ASIC2: variants seen among roughly 807,000 people sequenced by gnomAD.
ASIC2 encodes the protein acid-sensing ion channel 2.
In ASIC2, 25 loss-of-function variants were observed where a neutral mutation model predicts 57.3. The ratio of observed to expected loss-of-function variants is 0.44; its 90% confidence interval spans 0.32 to 0.61. The LOEUF is 0.61. ASIC2 is among the 20% of genes least tolerant of loss of function. The pLI is 0.06. For missense variants in ASIC2, 641 were observed against 738.1 expected (o/e 0.87, Z 1.52); for synonymous variants, 319 against 307.5 (o/e 1.04, Z -0.39).
At chr17:33,959,704 G>A (rs572769227) in intron 1 of ASIC2, among the ~76,000 whole-genome samples, 1 of 152,326 alleles carries the variant, frequency 6.6e-6, no homozygotes, top group Admixed American at 6.5e-5. Flanking sequence ...CCTTATTCTA[G>A]CCATGCTGGC....
At chr17:33,674,103 C>T (rs958671058) in intron 1 of ASIC2, among the ~76,000 whole-genome samples, 1 of 152,142 alleles carries the variant, frequency 6.6e-6, no homozygotes, top group Non-Finnish European at 1.5e-5. Context: ...CCATGTTGGC[C>T]AGGCTGGTCT....
chr17:33,156,616 T>A (rs1273440277), intron 1 of ASIC2, among the ~76,000 whole-genome samples: 3 of 151,256 alleles, frequency 2.0e-5, no homozygotes, highest in African/African-American at 7.3e-5. Flanking sequence ...ATTAGCCAGG[T>A]GTGGTGGCAT....
chr17:33,168,954 GAA>G (rs901787730), intron 1 of ASIC2, among the ~76,000 whole-genome samples: 8 of 152,244 alleles, frequency 5.3e-5, no homozygotes, highest in African/African-American at 1.9e-4. Context: ...AAGACAATGG[GAA>G]AAAGACCCCA....
intron 4 of ASIC2, among the ~76,000 whole-genome samples, chr17:33,026,780 C>A (rs2091860719): frequency 6.6e-6 from 1 of 152,158 alleles, no homozygotes; most frequent in African/African-American, 2.4e-5. Context: ...AGGATCTTTT[C>A]TTTTCCTTTA....
intron 1 of ASIC2, among the ~76,000 whole-genome samples, chr17:33,382,114 G>A (rs1434184712): frequency 1.3e-5 from 2 of 152,068 alleles, no homozygotes; most frequent in Non-Finnish European, 2.9e-5. Flanking sequence ...GCCAGACACC[G>A]GGCGCTGTCT....
At chr17:33,074,039 C>G (rs1020577479) in intron 3 of ASIC2, among the ~76,000 whole-genome samples, 14 of 152,260 alleles carry the variant, frequency 9.2e-5, no homozygotes, top group African/African-American at 3.4e-4. Context: ...GTGAGCTCTT[C>G]CCAGCCTTCA....
chr17:33,776,645 AG>A (rs1268395236), intron 1 of ASIC2, among the ~76,000 whole-genome samples: 1 of 152,158 alleles, frequency 6.6e-6, no homozygotes, highest in African/African-American at 2.4e-5. Context: ...GGAGGGAAGC[AG>A]GGGCAAGCAA....
intron 1 of ASIC2, among the ~76,000 whole-genome samples, chr17:34,095,038 C>T (rs1037938171): frequency 1.3e-5 from 2 of 152,208 alleles, no homozygotes; most frequent in Non-Finnish European, 2.9e-5. Context: ...CCTTGAGCAA[C>T]TCATAACTCA....
chr17:33,223,711 T>A (rs1033385822), intron 1 of ASIC2, among the ~76,000 whole-genome samples: 1 of 152,184 alleles, frequency 6.6e-6, no homozygotes, highest in Admixed American at 6.5e-5. Context: ...AAAATGGAAG[T>A]GTTAAGGTCA....
chr17:33,076,257 C>T (rs1262822083), intron 3 of ASIC2, among the ~76,000 whole-genome samples: 5 of 152,120 alleles, frequency 3.3e-5, no homozygotes, highest in Non-Finnish European at 7.4e-5. Context: ...GTGCTAGGAG[C>T]AGAAGTAGGG....
chr17:33,402,279 G>GTTTAT (rs1910312053), intron 1 of ASIC2, among the ~76,000 whole-genome samples: 1 of 152,076 alleles, frequency 6.6e-6, no homozygotes, highest in Admixed American at 6.5e-5. Flanking sequence ...TCATGACTTT[G>GTTTAT]TTTATTTTAT....
intron 1 of ASIC2, among the ~76,000 whole-genome samples, chr17:33,454,294 T>A (rs577309915): frequency 6.6e-6 from 1 of 152,194 alleles, no homozygotes; most frequent in Admixed American, 6.5e-5. Context: ...TGACCAGTAG[T>A]ACAGTGGACG....
At chr17:33,972,921 A>G (rs79778617) in intron 1 of ASIC2, among the ~76,000 whole-genome samples, 7,997 of 152,316 alleles carry the variant, frequency 0.053, 265 homozygotes, top group Middle Eastern at 0.082. Flanking sequence ...TCTGGGTCAC[A>G]GTTTCCTTCT....
chr17:33,369,579 T>C (rs1251641962), intron 1 of ASIC2, among the ~76,000 whole-genome samples: 1 of 152,120 alleles, frequency 6.6e-6, no homozygotes, highest in Non-Finnish European at 1.5e-5. Flanking sequence ...CCATGCTGGG[T>C]ACTGGGCACT....
chr17:34,071,821 C>T (rs908611204), intron 1 of ASIC2: 1 of 64,046 alleles, frequency 1.6e-5, no homozygotes, highest in Non-Finnish European at 3.4e-5. Context: ...CAGAGCGAGA[C>T]TCCATCAAAA....
At position 33,464,482 on chromosome 17, in the gene ASIC2, C is replaced by CTTTCTT. The variant is rs1394086840; in HGVS notation, c.556-352416_556-352415insAAGAAA. On this transcript the variant is annotated intron_variant, in intron 1 of 9. Coordinates refer to the ASIC2 transcript ENST00000359872. Reference sequence around the variant, plus strand: ...CTCTTTCTTTCTTTCTTTCTTTTCTCTCTTTCTTTCTTTCTTTCTTTCTTT... The same window carrying CTTTCTT: ...CTCTTTCTTTCTTTCTTTCTTTTCTCTTTCTTTCTTTCTTTCTTTCTTTCTTTCTTT... Among the ~76,000 whole-genome samples, 193 of 63,620 alleles carry CTTTCTT rather than the reference C, an allele frequency of 3.0e-3. 9 individuals are homozygous for CTTTCTT. The highest frequency in any genetic ancestry group is 0.017 in the East Asian group (44 of 2,516). 41.7% of individuals were successfully genotyped at this position (63,620 alleles called of 152,430 possible).
chr17:33,162,844 A>G (rs9674955), intron 1 of ASIC2, among the ~76,000 whole-genome samples: 39,357 of 152,070 alleles, frequency 0.26, 5,232 homozygotes, highest in East Asian at 0.4. Flanking sequence ...CAGCTTCTGT[A>G]GGTCACTCTG....
intron 3 of ASIC2, among the ~76,000 whole-genome samples, chr17:33,053,289 A>G (rs2091984652): frequency 1.3e-5 from 2 of 152,216 alleles, no homozygotes; most frequent in Admixed American, 1.3e-4. Context: ...TACATAGCAC[A>G]TTGCAATTCA....
intron 1 of ASIC2, among the ~76,000 whole-genome samples, chr17:33,230,995 A>AC (rs1173730149): frequency 6.6e-6 from 1 of 152,184 alleles, no homozygotes; most frequent in East Asian, 1.9e-4. Context: ...GGAGAGAGAA[A>AC]CAGAGAACCT....
Sources: gnomAD v4.1 joint callset for allele counts (sites outside exome capture counted in the v4.1 genomes callset) on GRCh38, gnomAD v4.1.1 for gene constraint, MANE v1.5 for transcripts, NCBI Gene and HGNC (gene_info 2026-07-23, HGNC 2026-07-21) for gene names.